OSBPL9: variants seen among roughly 807,000 people sequenced by gnomAD.
The protein encoded by OSBPL9 is oxysterol-binding protein-related protein 9.
OSBPL9 carries 40 observed loss-of-function variants against 106.6 expected under a neutral mutation model. That is an observed-to-expected ratio of 0.38 (90% confidence interval 0.29 to 0.49). OSBPL9 has a LOEUF of 0.49. Ranked by LOEUF, OSBPL9 falls within the 20% of genes least tolerant of loss-of-function variation. The pLI, the probability that OSBPL9 is intolerant of heterozygous loss-of-function variation, is 0.97. For missense variants in OSBPL9, 609 were observed against 887.2 expected (o/e 0.69, Z 3.98); for synonymous variants, 269 against 295.4 (o/e 0.91, Z 0.92).
chr1:51,739,901 C>G (rs529563987), intron 4 of OSBPL9, among the ~76,000 whole-genome samples: 1 of 151,998 alleles, frequency 6.6e-6, no homozygotes, highest in South Asian at 2.1e-4. Context: ...CGTCAAACCA[C>G]TTTTGGTAGG....
At position 51,729,166 on chromosome 1, in the gene OSBPL9, A is replaced by T. The variant is rs1248439827; in HGVS notation, c.318+15087A>T. On this transcript the variant is annotated intron_variant, in intron 4 of 23. Coordinates refer to ENST00000428468, the MANE Select transcript of OSBPL9 (RefSeq NM_024586.6). This position sits in a 1 kb window ranked among gnomAD's most constrained non-coding sequence, Gnocchi z 5.1. ...ATTCCTTATGGAGCTGTGGCACAAC[A>T]GCAAGCCCACGATGTCTCACCGGAT... 1.3e-5 allele frequency: 2 copies of T among 152,200 alleles called. No homozygotes were observed. The highest frequency in any genetic ancestry group is 2.9e-5 in the Non-Finnish European group (2 of 68,060). The allele number at this position is 152,200 out of a possible 1,614,324, so 9.4% of individuals were successfully genotyped here.
chr1:51,727,797 A>T (rs888816641), intron 4 of OSBPL9, among the ~76,000 whole-genome samples: 1 of 152,342 alleles, frequency 6.6e-6, no homozygotes, highest in African/African-American at 2.4e-5. Flanking sequence ...CAGGAGTTTG[A>T]GTTCAGCATG....
the OSBPL9 span, among the ~76,000 whole-genome samples, chr1:51,544,686 T>C: frequency 6.6e-6 from 1 of 151,762 alleles, no homozygotes; most frequent in South Asian, 2.1e-4. Flanking sequence ...AAAGCAGAAA[T>C]GGAGATTAAA....
the OSBPL9 span, among the ~76,000 whole-genome samples, chr1:51,522,957 A>G: frequency 6.6e-6 from 1 of 152,106 alleles, no homozygotes; most frequent in Admixed American, 6.5e-5. Flanking sequence ...TATATTAGTT[A>G]CATGAATGGG....
At chr1:51,713,947 TG>T in intron 3 of OSBPL9, 55 bp from the exon 4 acceptor site, 1 of 1,318,568 alleles carries the variant, frequency 7.6e-7, no homozygotes, top group Non-Finnish European at 1.1e-6. Context: ...TTTTCAAATA[TG>T]GAGATATATT....
At chr1:51,738,314 C>G (rs548291575) in intron 4 of OSBPL9, among the ~76,000 whole-genome samples, 1 of 151,940 alleles carries the variant, frequency 6.6e-6, no homozygotes, top group African/African-American at 2.4e-5. Context: ...TTAGCTGTAC[C>G]CGATTCCTGT....
At chr1:51,606,387 T>C (rs1413309816) in intron 2 of OSBPL9, among the ~76,000 whole-genome samples, 1 of 152,236 alleles carries the variant, frequency 6.6e-6, no homozygotes, top group Non-Finnish European at 1.5e-5. Context: ...AGAATTGCTG[T>C]TTACTGAAGG....
intron 4 of OSBPL9, among the ~76,000 whole-genome samples, chr1:51,727,131 CTTT>C (rs34741660): frequency 6.5e-5 from 7 of 107,332 alleles, no homozygotes; most frequent in Non-Finnish European, 9.5e-5. Flanking sequence ...GAGATGTAGG[CTTT>C]TTTTTTTTTT....
intron 4 of OSBPL9, among the ~76,000 whole-genome samples, chr1:51,718,782 G>A (rs1661534213): frequency 6.6e-6 from 1 of 152,190 alleles, no homozygotes; most frequent in African/African-American, 2.4e-5. Flanking sequence ...ATTATAGCCT[G>A]TTCCCTTCTT....
chr1:51,635,823 A>G (rs1042743357), intron 1 of OSBPL9, among the ~76,000 whole-genome samples: 1 of 152,052 alleles, frequency 6.6e-6, no homozygotes. Context: ...CCATATGTCC[A>G]CAATCCTCTG....
chr1:51,602,130 C>T (rs561835774), intron 2 of OSBPL9, among the ~76,000 whole-genome samples: 1 of 147,330 alleles, frequency 6.8e-6, no homozygotes, highest in East Asian at 2.0e-4. Flanking sequence ...ACGCCATTCT[C>T]CTGCCTCAGC....
intron 3 of OSBPL9, among the ~76,000 whole-genome samples, chr1:51,671,678 GA>G (rs1443536686): frequency 6.6e-6 from 1 of 152,024 alleles, no homozygotes; most frequent in Non-Finnish European, 1.5e-5. Context: ...GTCCTGGGGA[GA>G]AAAAAATAAA....
At chr1:51,614,819 G>T (rs1644014408), upstream of OSBPL9, among the ~76,000 whole-genome samples, 1 of 152,084 alleles carries the variant, frequency 6.6e-6, no homozygotes, top group African/African-American at 2.4e-5. Context: ...ACATTTTAAA[G>T]AAGGGGACAC....
At chr1:51,734,003 T>TA (rs1665079343) in intron 4 of OSBPL9, among the ~76,000 whole-genome samples, 1 of 152,196 alleles carries the variant, frequency 6.6e-6, no homozygotes, top group Non-Finnish European at 1.5e-5. Flanking sequence ...AGGTAATGCT[T>TA]AATTATATTT....
the OSBPL9 span, among the ~76,000 whole-genome samples, chr1:51,556,985 C>T: frequency 6.6e-6 from 1 of 151,702 alleles, no homozygotes; most frequent in South Asian, 2.1e-4. Context: ...AACACAAAGA[C>T]AGGGTAAATG....
At chr1:51,685,537 A>G (rs1003173372) in intron 3 of OSBPL9, among the ~76,000 whole-genome samples, 3 of 152,012 alleles carry the variant, frequency 2.0e-5, no homozygotes, top group African/African-American at 7.3e-5. Flanking sequence ...CCTCCCAAGT[A>G]GCTGGGATTA....
chr1:51,665,706 T>C (rs1420768276), intron 2 of OSBPL9, among the ~76,000 whole-genome samples: 1 of 152,116 alleles, frequency 6.6e-6, no homozygotes, highest in Non-Finnish European at 1.5e-5. Flanking sequence ...AGGAGACTGT[T>C]AGCTAGGTTC....
At chr1:51,540,523 G>A in the OSBPL9 span, among the ~76,000 whole-genome samples, 16 of 151,682 alleles carry the variant, frequency 1.1e-4, no homozygotes, top group East Asian at 1.9e-4. Flanking sequence ...GCGTGGTGGC[G>A]CACGCCTGCA....
intron 12 of OSBPL9, among the ~76,000 whole-genome samples, chr1:51,768,477 G>T (rs1467318120): frequency 2.0e-5 from 3 of 152,226 alleles, no homozygotes; most frequent in Non-Finnish European, 4.4e-5. Context: ...GCCTCCCAAA[G>T]TGCTGGGATC....
Sources: gnomAD v4.1 joint callset for allele counts (sites outside exome capture counted in the v4.1 genomes callset) on GRCh38, gnomAD v4.1.1 for gene constraint, Gnocchi (gnomAD v3.1) non-coding constraint, MANE v1.5 for transcripts, NCBI Gene and HGNC (gene_info 2026-07-23, HGNC 2026-07-21) for gene names.